TMEM232: variants seen among roughly 807,000 people sequenced by gnomAD.
TMEM232 encodes the protein transmembrane protein 232.
TMEM232 carries 80 observed loss-of-function variants against 78.8 expected under a neutral mutation model. The observed-to-expected ratio is 1.01, with a 90% CI of 0.85 to 1.22. TMEM232 has a LOEUF of 1.22. TMEM232 is among the 50% of genes most tolerant of loss of function. TMEM232 has a pLI of 0.00. For missense variants in TMEM232, 881 were observed against 742.2 expected (o/e 1.19, Z -2.17); for synonymous variants, 297 against 254.3 (o/e 1.17, Z -1.60).
intron 5 of TMEM232, among the ~76,000 whole-genome samples, chr5:110,632,308 G>A (rs1785229619): frequency 6.6e-6 from 1 of 151,798 alleles, no homozygotes; most frequent in Non-Finnish European, 1.5e-5. Flanking sequence ...GAGATACACA[G>A]TTTACACAGT....
At chr5:110,607,378 T>C (rs1477057962) in intron 8 of TMEM232, among the ~76,000 whole-genome samples, 1 of 151,954 alleles carries the variant, frequency 6.6e-6, no homozygotes. Context: ...TTCTAAACCA[T>C]TACATAAATG....
Position 110,478,973 on chromosome 5 carries a change from C to T in TMEM232, c.1703+49615G>A, listed in dbSNP as rs1390404268. ...GTAGTGAAAAGCCATGGATTGGTAT[C>T]CTTGATTGGGACTTAAAGTGTTACT... On this transcript the variant is annotated intron_variant, in intron 12 of 13. Coordinates refer to ENST00000455884, the MANE Select transcript of TMEM232 (RefSeq NM_001039763.4). Among the ~76,000 whole-genome samples the T allele has an allele frequency of 3.7e-5, 5 of 136,044 alleles. No homozygotes were observed. The East Asian group carries it at 1.1e-3, about 30-fold the overall frequency. 89.3% of individuals were successfully genotyped at this position (136,044 alleles called of 152,430 possible). A position where few individuals can be genotyped will look rare whatever the true frequency, so the allele number is the denominator to read the frequency against.
rs570002875 is a variant in TMEM232 at position 110,674,403 on chromosome 5, G to A, written c.-12-7039C>T. Among the ~76,000 whole-genome samples, 314 of 152,254 alleles carry A rather than the reference G, an allele frequency of 2.1e-3. 1 individual carries two copies. The highest frequency in any genetic ancestry group is 6.8e-3 in the African/African-American group (284 of 41,556). ...AAAAAGTAATGAAGCAAATAATGAC[G>A]AAGTTATTCCAAAGAAATAAGAAAC... On this transcript the variant is annotated intron_variant, in intron 1 of 13. Coordinates refer to ENST00000455884, the MANE Select transcript of TMEM232 (RefSeq NM_001039763.4).
At position 110,424,892 on chromosome 5, in the gene TMEM232, A is replaced by C; in HGVS notation, c.1728T>G (p.Ile576Met). 1 of 1,550,228 alleles carries C rather than the reference A, an allele frequency of 6.5e-7. No homozygotes were observed. Among genetic ancestry groups the C allele is most frequent in the East Asian group, 2.5e-5 (1 of 40,788 alleles). ...AGAAATCTGGATATGGAAACATGGG[A>C]ATTTCTGATACAGAAGGATGTTCCC... is the stretch of plus-strand genomic sequence containing the variant. ...TVREHPSVSE[I>M]PMFPYPDFFT... is the part of the protein sequence containing the mutation. The change falls in exon 13 of 14, where the codon ATT (isoleucine) becomes ATG (methionine). Residue 576 changes from isoleucine (I) to methionine (M), a missense_variant. Physicochemically the swap from Ile to Met is conservative, Grantham distance 10. Coordinates refer to ENST00000455884, the MANE Select transcript of TMEM232 (RefSeq NM_001039763.4).
downstream of TMEM232, among the ~76,000 whole-genome samples, chr5:110,418,645 A>G (rs1756368656): frequency 6.6e-6 from 1 of 152,190 alleles, no homozygotes; most frequent in African/African-American, 2.4e-5. Context: ...ATCCACAAGA[A>G]GAAAAGATAA....
intron 12 of TMEM232, among the ~76,000 whole-genome samples, chr5:110,463,053 T>C (rs1054201376): frequency 2.0e-5 from 3 of 152,118 alleles, no homozygotes; most frequent in Admixed American, 6.5e-5. Context: ...TTTGAGAGGA[T>C]TGACTCCATT....
rs141357083 is a variant in TMEM232, at chr5:110,399,557, T to C, written n.309-1703A>G. On this transcript the variant is annotated intron_variant and non_coding_transcript_variant, in intron 2 of 8. Transcript: ENST00000507188. ...TGCTTTATCCTTCTTCTAAAATCAG[T>C]CTACACTCCTTACTACACCTCTGAA... Among the ~76,000 whole-genome samples the C allele has an allele frequency of 2.0e-5, 3 of 152,192 alleles. No individual in the cohort carries two copies. In the East Asian group the frequency reaches 5.8e-4, roughly 29 times the overall value.
chr5:110,453,515 T>C (rs562285691), intron 12 of TMEM232, among the ~76,000 whole-genome samples: 29 of 1,314 alleles, frequency 0.022, no homozygotes, highest in African/African-American at 0.088. Context: ...TTGGCCAGGA[T>C]GGTCTTGATC....
chr5:110,504,324 T>G (rs2149449356), intron 12 of TMEM232, among the ~76,000 whole-genome samples: 1 of 152,324 alleles, frequency 6.6e-6, no homozygotes, highest in Non-Finnish European at 1.5e-5. Context: ...GGTTTTCTTG[T>G]AAATTTTAAA....
intron 10 of TMEM232, among the ~76,000 whole-genome samples, chr5:110,604,159 A>T (rs1034569740): frequency 1.2e-4 from 19 of 152,192 alleles, no homozygotes; most frequent in African/African-American, 4.3e-4. Context: ...CATTTAATGG[A>T]AGTGAGAATC....
intron 12 of TMEM232, among the ~76,000 whole-genome samples, chr5:110,451,359 T>G (rs1760254850): frequency 6.6e-6 from 1 of 152,170 alleles, no homozygotes; most frequent in Non-Finnish European, 1.5e-5. Flanking sequence ...GCCTTTTAGA[T>G]GTTGCTGTTT....
chr5:110,439,693 CAACTAAGA>C (rs1193121147), intron 12 of TMEM232, among the ~76,000 whole-genome samples: 1 of 151,938 alleles, frequency 6.6e-6, no homozygotes, highest in Non-Finnish European at 1.5e-5. Context: ...ACTGGCAAAG[CAACTAAGA>C]AACTCAAAAA....
chr5:110,511,885 T>G (rs1020720193), intron 12 of TMEM232, among the ~76,000 whole-genome samples: 1 of 152,206 alleles, frequency 6.6e-6, no homozygotes, highest in Non-Finnish European at 1.5e-5. Context: ...GTAGTCTTCA[T>G]GAGCCAGCCA....
At chr5:110,446,285 G>A (rs1759637714) in intron 12 of TMEM232, among the ~76,000 whole-genome samples, 1 of 152,158 alleles carries the variant, frequency 6.6e-6, no homozygotes, top group African/African-American at 2.4e-5. Flanking sequence ...CCTTCATTCA[G>A]TACAACATAC....
chr5:110,537,036 C>T (rs1178413317), intron 11 of TMEM232, among the ~76,000 whole-genome samples: 2 of 152,078 alleles, frequency 1.3e-5, no homozygotes, highest in Non-Finnish European at 2.9e-5. Flanking sequence ...GGTGAATGCC[C>T]CTGGGGACTC....
intron 10 of TMEM232, among the ~76,000 whole-genome samples, chr5:110,602,362 C>A (rs145516424): frequency 0.025 from 3,733 of 152,010 alleles, 46 homozygotes; most frequent in African/African-American, 0.032. Context: ...AACAGGCAAC[C>A]TACAGAATGG....
At chr5:110,610,758 T>C (rs1782169711) in intron 8 of TMEM232, among the ~76,000 whole-genome samples, 1 of 152,092 alleles carries the variant, frequency 6.6e-6, no homozygotes, top group South Asian at 2.1e-4. Flanking sequence ...CATAGCAACA[T>C]TTAGAAATTT....
intron 11 of TMEM232, among the ~76,000 whole-genome samples, chr5:110,550,032 C>A (rs1031444424): frequency 1.3e-5 from 2 of 152,096 alleles, no homozygotes; most frequent in African/African-American, 2.4e-5. Context: ...TATTATGGAA[C>A]AATCACATGC....
intron 11 of TMEM232, among the ~76,000 whole-genome samples, chr5:110,543,199 T>C (rs1213795078): frequency 6.6e-6 from 1 of 152,112 alleles, no homozygotes; most frequent in African/African-American, 2.4e-5. Flanking sequence ...CTCATTTGAC[T>C]ACTCCTCACT....
Sources: gnomAD v4.1 joint callset for allele counts (sites outside exome capture counted in the v4.1 genomes callset) on GRCh38, gnomAD v4.1.1 for gene constraint, MANE v1.5 for transcripts, NCBI Gene and HGNC (gene_info 2026-07-23, HGNC 2026-07-21) for gene names.